Variants in CNTN2 observed in about 807,000 individuals in gnomAD.
CNTN2 encodes the protein contactin-2.
A neutral mutation model predicts 117.5 loss-of-function variants in CNTN2; 53 were observed. That is an observed-to-expected ratio of 0.45 (90% CI 0.36 to 0.57). The LOEUF (loss-of-function observed/expected upper bound fraction) is 0.57, where lower values mean the gene tolerates loss of function less well. Among genes scored for constraint, CNTN2 ranks in the 20% least tolerant of loss-of-function variants. The pLI is 0.00. For missense variants in CNTN2, 1,106 were observed against 1,404.3 expected, an observed-to-expected ratio of 0.79 and a Z score of 3.39; for synonymous variants, 530 against 561.7, an observed-to-expected ratio of 0.94 and a Z score of 0.80.
At chr1:205,062,681 C>A in intron 10 of CNTN2, 112 bp downstream of exon 10, 1 of 1,267,564 alleles carries the variant, frequency 7.9e-7, no homozygotes, top group Non-Finnish European at 1.0e-6. Context: ...TGGCCATTTT[C>A]CTTGGTTTTC....
At chr1:205,066,259 A>C (rs2151195771) in intron 14 of CNTN2, 182 bp from the exon 15 acceptor site, 1 of 683,848 alleles carries the variant, frequency 1.5e-6, no homozygotes, top group Non-Finnish European at 2.4e-6. Context: ...CCTCCACCCA[A>C]CAACTGGCAC....
chr1:205,066,989 C>A, intron 15 of CNTN2, 112 bp from the exon 16 acceptor site: 1 of 1,327,432 alleles, frequency 7.5e-7, no homozygotes, highest in Non-Finnish European at 1.0e-6. Flanking sequence ...TAGTATATGG[C>A]AAGTACCGAA....
chr1:205,066,871 A>C (rs1238007007), intron 15 of CNTN2, among the ~76,000 whole-genome samples: 1 of 152,112 alleles, frequency 6.6e-6, no homozygotes, highest in African/African-American at 2.4e-5. Context: ...AGCAATGAAA[A>C]TATTCATGGG....
Position 205,048,333 on chromosome 1 carries a change from G to A in CNTN2, c.-86-4767G>A, listed in dbSNP as rs2096445390. ...CTTATCCCAGAAAACCTTGTCGTGT[G>A]TTGGAGCCCCACTCATAGCCTTCTG... On this transcript the variant is annotated intron_variant, in intron 1 of 22. Coordinates refer to ENST00000331830, the MANE Select transcript of CNTN2 (RefSeq NM_005076.5). The surrounding 1 kb of genome is among the most constrained non-coding windows in gnomAD (Gnocchi z 4.1). Among the ~76,000 whole-genome samples the A allele has an allele frequency of 6.6e-6, 1 of 152,174 alleles. No individual in the cohort carries two copies. The highest frequency in any genetic ancestry group is 2.1e-4 in the South Asian group (1 of 4,830).
At chr1:205,067,641 T>C (rs1036896012) in intron 16 of CNTN2, 1 of 160,550 alleles carries the variant, frequency 6.2e-6, no homozygotes, top group Non-Finnish European at 1.4e-5. Flanking sequence ...AATCAGTTAA[T>C]GCTGGCTGGG....
In CNTN2 at chr1:205,067,203, C is replaced by G. The variant is rs200103728; in HGVS notation, c.2078C>G (p.Thr693Ser). Reference sequence around the variant, plus strand: ...GTCATAGCCAGCAACATTCTGGGCACTGGGGAGCCTAGTGGGCCCTCCAGC... The same window carrying G: ...GTCATAGCCAGCAACATTCTGGGCAGTGGGGAGCCTAGTGGGCCCTCCAGC... Reference protein sequence around the residue: ...FRVIASNILGTGEPSGPSSKI... With the variant: ...FRVIASNILGSGEPSGPSSKI... Residue 693 changes from threonine (T) to serine (S), a missense_variant, in exon 16 of 23, where the codon ACT (threonine) becomes AGT (serine). Physicochemically the swap from Thr to Ser is moderately conservative, Grantham distance 58 (BLOSUM62 1). Coordinates refer to ENST00000331830, the MANE Select transcript of CNTN2 (RefSeq NM_005076.5). 1 of 1,614,140 alleles carries G rather than the reference C, an allele frequency of 6.2e-7. No homozygotes were observed. The highest frequency in any genetic ancestry group is 1.7e-5 in the Admixed American group (1 of 60,008).
In CNTN2 at chr1:205,048,813, A is replaced by G. The variant is rs2096446599; in HGVS notation, c.-86-4287A>G. On this transcript the variant is annotated intron_variant, in intron 1 of 22. Coordinates refer to ENST00000331830, the MANE Select transcript of CNTN2 (RefSeq NM_005076.5). The surrounding 1 kb of genome is among the most constrained non-coding windows in gnomAD (Gnocchi z 4.1). ...TAGCACAATGCCTGGCACATGGTCA[A>G]TAAACACTGTGATGGAAATGGATGC... Among the ~76,000 whole-genome samples the G allele has an allele frequency of 6.6e-6, 1 of 152,126 alleles. No individual in the cohort carries two copies. Among genetic ancestry groups the G allele is most frequent in the African/African-American group, 2.4e-5 (1 of 41,406 alleles).
Position 205,073,314 on chromosome 1 carries a change from A to T in CNTN2, c.3013+78A>T. The T allele has an allele frequency of 1.3e-6, 2 of 1,522,800 alleles. No individual in the cohort carries two copies. The highest frequency in any genetic ancestry group is 2.4e-5 in the South Asian group (2 of 82,288). The allele number at this position is 1,522,800 out of a possible 1,614,324, so 94.3% of individuals were successfully genotyped here. ...ATACCTGAGAGGATCATTCCCACCCAGGCCAACTCCAATCTCTACCCGCAA... is the reference window on the plus strand; with the variant it reads ...ATACCTGAGAGGATCATTCCCACCCTGGCCAACTCCAATCTCTACCCGCAA... On this transcript the variant is annotated intron_variant, in intron 22 of 22. Transcript: ENST00000331830. The surrounding 1 kb of genome is among the most constrained non-coding windows in gnomAD (Gnocchi z 6.3).
Position 205,077,718 on chromosome 1 carries a change from C to A in CNTN2, c.*3953C>A. The A allele has an allele frequency of 6.6e-6, 1 of 152,450 alleles. No homozygotes were observed. The highest frequency in any genetic ancestry group is 1.5e-5 in the Non-Finnish European group (1 of 68,126). 9.4% of individuals were successfully genotyped at this position (152,450 alleles called of 1,614,324 possible). A position where few individuals can be genotyped will look rare whatever the true frequency, so the allele number is the denominator to read the frequency against. Reference sequence around the variant, plus strand: ...AGATAGCTTTGGCCACAGCCCCAGGCAGCCTTTGGGGCCTATGACACTTAG... The same window carrying A: ...AGATAGCTTTGGCCACAGCCCCAGGAAGCCTTTGGGGCCTATGACACTTAG... On this transcript the variant is annotated 3_prime_UTR_variant, in exon 23 of 23. Coordinates refer to ENST00000331830, the MANE Select transcript of CNTN2 (RefSeq NM_005076.5).
intron 1 of CNTN2, among the ~76,000 whole-genome samples, chr1:205,049,109 G>T (rs1333138034): frequency 2.0e-5 from 3 of 151,998 alleles, no homozygotes; most frequent in African/African-American, 7.3e-5. Context: ...TCGATCCCTG[G>T]AGGGTACCCA....
chr1:205,056,191 C>T (rs1653598877), intron 2 of CNTN2, among the ~76,000 whole-genome samples: 1 of 152,144 alleles, frequency 6.6e-6, no homozygotes, highest in Non-Finnish European at 1.5e-5. Context: ...ATGCCCTGAG[C>T]CCACTCAGCC....
intron 2 of CNTN2, among the ~76,000 whole-genome samples, chr1:205,054,313 C>A (rs762756251): frequency 6.6e-6 from 1 of 152,220 alleles, no homozygotes; most frequent in Non-Finnish European, 1.5e-5. Flanking sequence ...TACTTTCAGA[C>A]GTTCTCATTC....
Position 205,067,298 on chromosome 1 carries a change from T to C in CNTN2, c.2125+48T>C, listed in dbSNP as rs758018761. ...AAAGCTATCATCAGGGCAGAGACCCTGGCACCACTTATAGGGAATGCCAAG... is the reference window on the plus strand; with the variant it reads ...AAAGCTATCATCAGGGCAGAGACCCCGGCACCACTTATAGGGAATGCCAAG... On this transcript the variant is annotated intron_variant, in intron 16 of 22. Transcript: ENST00000331830. 1.9e-6 allele frequency: 3 copies of C among 1,581,046 alleles called. No individual in the cohort carries two copies. The Admixed American group carries it at 5.3e-5, about 28-fold the overall frequency.
intron 15 of CNTN2, 43 bp from the exon 16 acceptor site, chr1:205,067,058 G>A (rs748955374): frequency 6.4e-7 from 1 of 1,570,298 alleles, no homozygotes; most frequent in African/African-American, 1.4e-5. Context: ...GCACCCAGAT[G>A]AATAAGCGAA....
chr1:205,059,490 C>G lies in CNTN2; in HGVS notation c.698-93C>G, dbSNP rs1653852137. The G allele has an allele frequency of 9.2e-6, 12 of 1,310,354 alleles. No individual in the cohort carries two copies. Among genetic ancestry groups the G allele is most frequent in the Admixed American group, 1.7e-5 (1 of 58,616 alleles). The allele number at this position is 1,310,354 out of a possible 1,614,324, so 81.2% of individuals were successfully genotyped here. On this transcript the variant is annotated intron_variant, in intron 6 of 22. Transcript: ENST00000331830. This position sits in a 1 kb window ranked among gnomAD's most constrained non-coding sequence, Gnocchi z 5.6. ...AGGAGATTCCACACAGCTGCCTAGA[C>G]AGAGTTGGCTCTGAAAGGTGCTGAG... is the stretch of plus-strand genomic sequence containing the variant.
chr1:205,054,940 G>C (rs541341779), intron 2 of CNTN2, among the ~76,000 whole-genome samples: 10 of 152,332 alleles, frequency 6.6e-5, no homozygotes, highest in Admixed American at 5.9e-4. Flanking sequence ...AATCAGAGAG[G>C]ATGAGGAACA....
Position 205,058,420 on chromosome 1 carries a change from G to A in CNTN2, c.391+64G>A, listed in dbSNP as rs1653779942. The A allele has an allele frequency of 1.3e-6, 2 of 1,532,282 alleles. No homozygotes were observed. Among genetic ancestry groups the A allele is most frequent in the Admixed American group, 3.8e-5 (2 of 52,058 alleles). The allele number at this position is 1,532,282 out of a possible 1,614,324, so 94.9% of individuals were successfully genotyped here. A position where few individuals can be genotyped will look rare whatever the true frequency, so the allele number is the denominator to read the frequency against. On this transcript the variant is annotated intron_variant, in intron 4 of 22. Transcript: ENST00000331830. This position sits in a 1 kb window ranked among gnomAD's most constrained non-coding sequence, Gnocchi z 4.3. The stretch of plus-strand genomic sequence containing the variant: ...GGAGAGGGGGCTAGGAGAAATTACT[G>A]AGAAAGGATAAGGGACACCCTCAAG...
chr1:205,077,637 G>A lies in CNTN2; in HGVS notation c.*3872G>A, dbSNP rs1233997061. The A allele has an allele frequency of 6.6e-6, 1 of 152,296 alleles. No individual in the cohort carries two copies. The highest frequency in any genetic ancestry group is 6.5e-5 in the Admixed American group (1 of 15,282). The allele number at this position is 152,296 out of a possible 1,614,324, so 9.4% of individuals were successfully genotyped here. The stretch of plus-strand genomic sequence containing the variant: ...GAACACCCGTGGACTTGTGTATATG[G>A]TCATAGGCTTTGGGAAGACAGGACG... On this transcript the variant is annotated 3_prime_UTR_variant, in exon 23 of 23. Coordinates refer to ENST00000331830, the MANE Select transcript of CNTN2 (RefSeq NM_005076.5).
rs1407678279 is a variant in CNTN2, at chr1:205,048,666, T to G, written c.-86-4434T>G. 6.6e-6 allele frequency among the ~76,000 whole-genome samples: 1 copy of G among 152,124 alleles called. No individual in the cohort carries two copies. Among genetic ancestry groups the G allele is most frequent in the Non-Finnish European group, 1.5e-5 (1 of 68,020 alleles). On this transcript the variant is annotated intron_variant, in intron 1 of 22. Transcript: ENST00000331830. The surrounding 1 kb of genome is among the most constrained non-coding windows in gnomAD (Gnocchi z 4.1). ...TCCATCCTGGGCATTCTAGAACGCA[T>G]AATAGGGCAGATGGTATGGGGAGAT...
Sources: gnomAD v4.1 joint callset for allele counts (sites outside exome capture counted in the v4.1 genomes callset) on GRCh38, gnomAD v4.1.1 for gene constraint, Gnocchi (gnomAD v3.1) non-coding constraint, MANE v1.5 for transcripts, NCBI Gene and HGNC (gene_info 2026-07-23, HGNC 2026-07-21) for gene names.